Variants in SYNE1 observed in about 807,000 individuals in gnomAD.
SYNE1 encodes the protein spectrin repeat containing nuclear envelope protein 1, also known as nesprin-1.
A neutral mutation model predicts 1,111.0 loss-of-function variants in SYNE1; 616 were observed. That is an observed-to-expected ratio of 0.55 (90% CI 0.52 to 0.59). The LOEUF is 0.59. Ranked by LOEUF, SYNE1 falls within the 20% of genes least tolerant of loss-of-function variation. The pLI is 0.00. For missense variants in SYNE1, 10,006 were observed against 10,417.0 expected (o/e 0.96, Z 1.72); for synonymous variants, 3,855 against 3,825.8 (o/e 1.01, Z -0.28).
At chr6:152,220,591 T>A (rs1420354702) in intron 119 of SYNE1, among the ~76,000 whole-genome samples, 1 of 152,186 alleles carries the variant, frequency 6.6e-6, no homozygotes, top group Non-Finnish European at 1.5e-5. Context: ...ATCTTTCACA[T>A]TGACTAAATT....
Position 152,416,980 on chromosome 6 carries a change from T to C in SYNE1, c.5457A>G (p.Glu1819=), listed in dbSNP as rs1166608050. ...HAAEVESKKG[E]LQSLQGHLAK... ...CTAAGTGACCCTGCAGACTCTGCAA[T>C]TCGCCCTTTTTGCTCTCTACTTCTG... The change falls in exon 41 of 146, where the codon GAA becomes GAG. Residue 1819 remains glutamate (E), a synonymous_variant. Transcript: ENST00000367255. 2.5e-6 allele frequency: 4 copies of C among 1,614,082 alleles called. No individual in the cohort carries two copies. Among genetic ancestry groups the C allele is most frequent in the Non-Finnish European group, 3.4e-6 (4 of 1,180,048 alleles).
intron 42 of SYNE1, among the ~76,000 whole-genome samples, chr6:152,412,731 C>T (rs2098083732): frequency 6.8e-6 from 1 of 147,304 alleles, no homozygotes; most frequent in African/African-American, 2.6e-5. Context: ...TTAAATTATA[C>T]CTCAATTACA....
intron 3 of SYNE1, among the ~76,000 whole-genome samples, chr6:152,562,842 A>C (rs558739109): frequency 6.6e-6 from 1 of 152,186 alleles, no homozygotes; most frequent in Non-Finnish European, 1.5e-5. Flanking sequence ...CTAAATTTTC[A>C]CTATTCAGGC....
intron 29 of SYNE1, among the ~76,000 whole-genome samples, chr6:152,445,138 TA>T (rs1247744360): frequency 6.7e-6 from 1 of 149,696 alleles, no homozygotes; most frequent in Non-Finnish European, 1.5e-5. Context: ...CTGCATATAT[TA>T]TATATATATA....
chr6:152,510,878 G>T, intron 7 of SYNE1, 133 bp downstream of exon 7: 1 of 855,052 alleles, frequency 1.2e-6, no homozygotes, highest in Non-Finnish European at 2.0e-6. Flanking sequence ...AACAACGTAT[G>T]TGTGAAAGGT....
At position 152,219,137 on chromosome 6, in the gene SYNE1, G is replaced by A; in HGVS notation, c.21910C>T (p.His7304Tyr). The A allele has an allele frequency of 6.2e-7, 1 of 1,614,098 alleles. No homozygotes were observed. The highest frequency in any genetic ancestry group is 8.5e-7 in the Non-Finnish European group (1 of 1,179,998). ...TGCTTCAGTTGCTCTCCCAGCTCAT[G>A]GAGAAAAAAGAGGGAATCTTTAACT... ...GTVKDSLFFL[H>Y]ELGEQLKQQV... Residue 7304 changes from histidine (H) to tyrosine (Y), a missense_variant, in exon 120 of 146, where the codon CAT becomes TAT. By Grantham distance (83) the His-to-Tyr change is moderately conservative. Around this residue, in one of 7 missense-constraint regions of SYNE1, gnomAD observed 2,182 missense variants for 2,287.8 expected, o/e 0.95. Transcript: ENST00000367255.
intron 127 of SYNE1, among the ~76,000 whole-genome samples, chr6:152,192,155 T>A (rs1404265978): frequency 6.6e-6 from 1 of 152,242 alleles, no homozygotes; most frequent in African/African-American, 2.4e-5. Context: ...AGACTTGTTT[T>A]GTGGCCTAAC....
chr6:152,504,721 A>C (rs17771489), intron 9 of SYNE1, among the ~76,000 whole-genome samples: 2 of 152,154 alleles, frequency 1.3e-5, no homozygotes, highest in Non-Finnish European at 2.9e-5. Flanking sequence ...AAGTCTTAGC[A>C]CTCACGCCCT....
chr6:152,219,001 A>G lies in SYNE1; in HGVS notation c.22044+2T>C, dbSNP rs1377014248. The G allele has an allele frequency of 7.4e-6, 12 of 1,613,756 alleles. No individual in the cohort carries two copies. On this transcript the variant is annotated splice_donor_variant, in intron 120 of 145. Transcript: ENST00000367255. LOFTEE classifies it high-confidence loss of function. ...AGAAGATACTAAATAGGAGCTCTGT[A>G]CCTGTAATGAAGTCTGCTGTTTGCA...
At chr6:152,555,799 T>A (rs1048314382) in intron 3 of SYNE1, among the ~76,000 whole-genome samples, 1 of 152,198 alleles carries the variant, frequency 6.6e-6, no homozygotes, top group Non-Finnish European at 1.5e-5. Flanking sequence ...ATGCATGATA[T>A]ATTTTATATA....
intron 69 of SYNE1, among the ~76,000 whole-genome samples, 187 bp downstream of exon 69, chr6:152,353,076 C>T (rs2096770107): frequency 6.6e-6 from 1 of 152,158 alleles, no homozygotes; most frequent in African/African-American, 2.4e-5. Context: ...AACAACACAT[C>T]ATCAATAAGT....
chr6:152,552,076 GT>G (rs1284282299), intron 3 of SYNE1, among the ~76,000 whole-genome samples: 1 of 152,134 alleles, frequency 6.6e-6, no homozygotes, highest in Non-Finnish European at 1.5e-5. Context: ...ACCTGAAACT[GT>G]ATTCCAATAC....
rs145882121 is a variant in SYNE1 at position 152,451,468 on chromosome 6, ATTTTTTTTT to A, written c.3028-272_3028-264del. ...AATTTTCACAGTAGCCCTGCACCGT[ATTTTTTTTT>A]TTTTTTTTTTTTTTTTTTTTGGTGA... On this transcript the variant is annotated intron_variant, in intron 25 of 145. Transcript: ENST00000367255. 9.1e-3 allele frequency among the ~76,000 whole-genome samples: 451 copies of A among 49,834 alleles called. 3 individuals are homozygous for A. Among genetic ancestry groups the A allele is most frequent in the African/African-American group, 0.035 (421 of 11,952 alleles). The allele number at this position is 49,834 out of a possible 152,430, so 32.7% of individuals were successfully genotyped here.
Position 152,425,513 on chromosome 6 carries a change from A to C in SYNE1, c.5135T>G (p.Phe1712Cys). 1 of 1,614,196 alleles carries C rather than the reference A, an allele frequency of 6.2e-7. No homozygotes were observed. Among genetic ancestry groups the C allele is most frequent in the Non-Finnish European group, 8.5e-7 (1 of 1,180,032 alleles). Residue 1712 changes from phenylalanine to cysteine, a missense_variant, in exon 39 of 146, where the codon TTC (phenylalanine) becomes TGC (cysteine). Phe to Cys is a radical substitution (Grantham distance 205). This residue lies in a region of SYNE1 where 1,971 missense variants were observed against 2,084.1 expected (regional missense o/e 0.95). Transcript: ENST00000367255. ...CTTCAATTGCAAAAGTTTGCTATAG[A>C]ATGAGGCCTGGGATACAACTTCATT... ...LQNEVVSQAS[F>C]YSKLLQLKES...
At chr6:152,427,638 T>C in intron 38 of SYNE1, 55 bp downstream of exon 38, 1 of 1,600,894 alleles carries the variant, frequency 6.2e-7, no homozygotes, top group East Asian at 2.2e-5. Context: ...TTAAATAATG[T>C]AACTGTAACA....
At position 152,331,293 on chromosome 6, in the gene SYNE1, C is replaced by G; in HGVS notation, c.13392G>C (p.Gln4464His). The G allele has an allele frequency of 6.2e-7, 1 of 1,614,096 alleles. No individual in the cohort carries two copies. Among genetic ancestry groups the G allele is most frequent in the Non-Finnish European group, 8.5e-7 (1 of 1,180,018 alleles). ...EKTQFLMAVFQATSQIQQHER... is the reference protein window; with the variant it reads ...EKTQFLMAVFHATSQIQQHER... ...CATGTTGCTGAATTTGGCTGGTGGC[C>G]TGGAACACTGCCATGAGAAACTGGG... The change falls in exon 78 of 146, where the codon CAG becomes CAC. Residue 4464 changes from glutamine (Q) to histidine (H), a missense_variant. Physicochemically the swap from Gln to His is conservative, Grantham distance 24 (BLOSUM62 0). Transcript: ENST00000367255.
At chr6:152,172,961 A>T (rs1016318973) in intron 130 of SYNE1, among the ~76,000 whole-genome samples, 1 of 152,322 alleles carries the variant, frequency 6.6e-6, no homozygotes, top group Admixed American at 6.5e-5. Context: ...ATTTTATTCC[A>T]TTTCAGTTAA....
At chr6:152,488,634 T>A in intron 11 of SYNE1, 131 bp from the exon 12 acceptor site, 1 of 610,042 alleles carries the variant, frequency 1.6e-6, no homozygotes, top group Non-Finnish European at 2.9e-6. Context: ...ATTTCCTTTC[T>A]CCTTACCCCC....
intron 3 of SYNE1, among the ~76,000 whole-genome samples, chr6:152,595,693 G>A (rs2099579040): frequency 6.6e-6 from 1 of 152,060 alleles, no homozygotes; most frequent in African/African-American, 2.4e-5. Flanking sequence ...GAGCTGTTGT[G>A]GGAAAATGCA....
Sources: gnomAD v4.1 joint callset for allele counts (sites outside exome capture counted in the v4.1 genomes callset) on GRCh38, gnomAD v4.1.1 for gene constraint, gnomAD v4.1.1 regional missense constraint, MANE v1.5 for transcripts, NCBI Gene and HGNC (gene_info 2026-07-23, HGNC 2026-07-21) for gene names.